Variants in GABRG3 observed in about 807,000 individuals in gnomAD.
GABRG3 encodes gamma-aminobutyric acid type A receptor subunit gamma3.
Under a neutral mutation model 48.8 loss-of-function variants are expected in GABRG3, and 25 were observed. The observed-to-expected ratio is 0.51, with a 90% CI of 0.37 to 0.72. GABRG3 has a LOEUF of 0.72. Ranked by LOEUF, GABRG3 falls within the 30% of genes least tolerant of loss-of-function variation. GABRG3 has a pLI of 0.00. For synonymous variants in GABRG3, 227 were observed against 217.6 expected, an observed-to-expected ratio of 1.04 and a Z score of -0.38; for missense variants, 394 against 577.9, an observed-to-expected ratio of 0.68 and a Z score of 3.26.
At chr15:27,431,855 G>A (rs1195979090) in intron 5 of GABRG3, among the ~76,000 whole-genome samples, 1 of 152,120 alleles carries the variant, frequency 6.6e-6, no homozygotes, top group Non-Finnish European at 1.5e-5. Context: ...TCACGCTCTT[G>A]TTTAAAAGTA....
chr15:27,519,795 T>G (rs1393641520), intron 6 of GABRG3, among the ~76,000 whole-genome samples, 177 bp from the exon 7 acceptor site: 1 of 152,230 alleles, frequency 6.6e-6, no homozygotes, highest in Admixed American at 6.5e-5. Context: ...CAGCCATGGT[T>G]ACTATGAAAA....
At chr15:27,334,611 A>C (rs1269666785) in intron 5 of GABRG3, among the ~76,000 whole-genome samples, 3 of 152,178 alleles carry the variant, frequency 2.0e-5, no homozygotes, top group East Asian at 3.8e-4. Flanking sequence ...TATCTTTAAA[A>C]TGCTATGGTA....
At chr15:27,357,223 T>C (rs9672616) in intron 5 of GABRG3, among the ~76,000 whole-genome samples, 71,617 of 152,008 alleles carry the variant, frequency 0.47, 17,817 homozygotes, top group African/African-American at 0.61. Flanking sequence ...ACTTCCTCCC[T>C]GTTCTGCCAG....
intron 3 of GABRG3, among the ~76,000 whole-genome samples, chr15:27,243,180 A>G (rs1890179040): frequency 6.6e-6 from 1 of 152,168 alleles, no homozygotes; most frequent in Non-Finnish European, 1.5e-5. Flanking sequence ...CCTTCTTATA[A>G]TCACTAGAAA....
chr15:27,152,438 A>G (rs1421033276), intron 3 of GABRG3, among the ~76,000 whole-genome samples: 2 of 152,218 alleles, frequency 1.3e-5, no homozygotes, highest in African/African-American at 2.4e-5. Context: ...CTTTTTAAAA[A>G]TTTTAAAAAA....
chr15:27,166,004 G>A (rs1566952411), intron 3 of GABRG3, among the ~76,000 whole-genome samples: 1 of 152,170 alleles, frequency 6.6e-6, no homozygotes, highest in Admixed American at 6.5e-5. Context: ...GTGGGATGGG[G>A]TGGGATGCAG....
intron 3 of GABRG3, among the ~76,000 whole-genome samples, chr15:27,065,612 T>A (rs1272427334): frequency 6.6e-6 from 1 of 152,180 alleles, no homozygotes; most frequent in Non-Finnish European, 1.5e-5. Context: ...CTCTGTGTGC[T>A]TTGTGTTGTT....
chr15:27,381,016 C>T lies in GABRG3; in HGVS notation c.574+52128C>T, dbSNP rs867213000. ...TCCTGACCTCGTGATCCACCCGCCT[C>T]GGCCTCCCAAAGTGCTAGGATTACA... On this transcript the variant is annotated intron_variant, in intron 5 of 9. Transcript: ENST00000615808. Among the ~76,000 whole-genome samples the T allele has an allele frequency of 2.6e-5, 4 of 152,240 alleles. No individual in the cohort carries two copies. The East Asian group carries it at 5.8e-4, about 22-fold the overall frequency.
intron 5 of GABRG3, among the ~76,000 whole-genome samples, chr15:27,366,745 A>G (rs926924518): frequency 6.6e-6 from 1 of 152,162 alleles, no homozygotes; most frequent in Admixed American, 6.5e-5. Flanking sequence ...AGCTCCTCCT[A>G]CATCCGCTGT....
chr15:27,374,138 CTT>C (rs201839822), intron 5 of GABRG3, among the ~76,000 whole-genome samples: 139 of 91,630 alleles, frequency 1.5e-3, no homozygotes, highest in African/African-American at 4.8e-3. Flanking sequence ...TTCTTTTCTT[CTT>C]TTTTTTTTTT....
chr15:27,073,745 T>C (rs1342952816), intron 3 of GABRG3, among the ~76,000 whole-genome samples: 1 of 152,068 alleles, frequency 6.6e-6, no homozygotes. Flanking sequence ...GGGACAAGAG[T>C]CCAAGCTTGA....
chr15:27,362,943 T>G (rs1290591089), intron 5 of GABRG3: 2 of 152,248 alleles, frequency 1.3e-5, no homozygotes, highest in East Asian at 3.8e-4. Context: ...ATAGCAATTG[T>G]ATTGATAAGC....
At chr15:27,072,766 G>T (rs1213885751) in intron 3 of GABRG3, among the ~76,000 whole-genome samples, 1 of 152,290 alleles carries the variant, frequency 6.6e-6, no homozygotes, top group East Asian at 1.9e-4. Flanking sequence ...CAGAGGCACT[G>T]TGGGCCAGGC....
chr15:27,181,012 G>A (rs1887913061), intron 3 of GABRG3, among the ~76,000 whole-genome samples: 1 of 152,194 alleles, frequency 6.6e-6, no homozygotes, highest in South Asian at 2.1e-4. Flanking sequence ...AACTTCATGA[G>A]ATGGCACAGG....
chr15:27,169,987 T>A (rs901847527), intron 3 of GABRG3, among the ~76,000 whole-genome samples: 1 of 152,150 alleles, frequency 6.6e-6, no homozygotes, highest in African/African-American at 2.4e-5. Flanking sequence ...AAATACCTTT[T>A]AAAAATAAAG....
intron 3 of GABRG3, among the ~76,000 whole-genome samples, chr15:27,301,886 A>G (rs1892220492): frequency 6.6e-6 from 1 of 152,138 alleles, no homozygotes; most frequent in South Asian, 2.1e-4. Flanking sequence ...ATCAGAAACC[A>G]TGGAGGCCAG....
intron 3 of GABRG3, among the ~76,000 whole-genome samples, chr15:27,230,769 G>A (rs1889770499): frequency 6.6e-6 from 1 of 151,330 alleles, no homozygotes; most frequent in Non-Finnish European, 1.5e-5. Context: ...TTTTACTTTT[G>A]GTATTAAGCC....
chr15:27,233,566 A>G (rs1889865057), intron 3 of GABRG3, among the ~76,000 whole-genome samples: 1 of 152,060 alleles, frequency 6.6e-6, no homozygotes, highest in African/African-American at 2.4e-5. Flanking sequence ...TCTCTTCATG[A>G]GGCACTAATC....
At chr15:27,473,940 T>C (rs1010583651) in intron 5 of GABRG3, among the ~76,000 whole-genome samples, 2 of 152,218 alleles carry the variant, frequency 1.3e-5, no homozygotes, top group African/African-American at 4.8e-5. Context: ...TTTCTTAATA[T>C]TGGTTTCTAG....
Sources: allele counts gnomAD v4.1 joint callset (sites outside exome capture counted in the v4.1 genomes callset), GRCh38; gene constraint gnomAD v4.1.1; transcripts MANE v1.5; gene names NCBI Gene and HGNC (gene_info 2026-07-23, HGNC 2026-07-21).